The following TEAD1 variants were observed in gnomAD, a reference collection of about 807,000 sequenced individuals.
TEAD1 encodes the protein transcriptional enhancer factor TEF-1.
TEAD1 carries 9 observed loss-of-function variants against 54.9 expected under a neutral mutation model. That is an observed-to-expected ratio of 0.16 (90% CI 0.10 to 0.29). The LOEUF is 0.29. TEAD1 is among the 10% of genes least tolerant of loss of function. The pLI is 1.00. For synonymous variants in TEAD1, 200 were observed against 187.8 expected (o/e 1.07, Z -0.53); for missense variants, 387 against 535.9 (o/e 0.72, Z 2.74).
intron 3 of TEAD1, among the ~76,000 whole-genome samples, chr11:12,852,511 G>A (rs772928731): frequency 4.7e-5 from 7 of 150,190 alleles, no homozygotes; most frequent in Non-Finnish European, 1.0e-4. Flanking sequence ...GCAGCGGCGC[G>A]ATCTTGGCTC....
intron 7 of TEAD1, among the ~76,000 whole-genome samples, chr11:12,881,433 A>G (rs1379550809): frequency 6.6e-6 from 1 of 152,122 alleles, no homozygotes; most frequent in Non-Finnish European, 1.5e-5. Flanking sequence ...CTAGTAGACA[A>G]ATCCTACTGA....
At chr11:12,749,183 A>T (rs1944813055) in intron 2 of TEAD1, among the ~76,000 whole-genome samples, 1 of 152,090 alleles carries the variant, frequency 6.6e-6, no homozygotes, top group African/African-American at 2.4e-5. Flanking sequence ...TTCTGAAGTC[A>T]CATCCCCTAC....
intron 9 of TEAD1, among the ~76,000 whole-genome samples, chr11:12,893,487 T>G (rs1440366314): frequency 6.6e-6 from 1 of 152,194 alleles, no homozygotes; most frequent in Non-Finnish European, 1.5e-5. Flanking sequence ...AGGAGGCCAC[T>G]GAAAGCGTCT....
intron 3 of TEAD1, among the ~76,000 whole-genome samples, chr11:12,780,146 T>TA (rs1945512933): frequency 1.3e-5 from 2 of 151,822 alleles, no homozygotes; most frequent in Non-Finnish European, 2.9e-5. Flanking sequence ...TGTATGTAGC[T>TA]AAAAAAGTAA....
chr11:12,837,679 T>TCTTTCTCCTTTCTC (rs60498081), intron 3 of TEAD1, among the ~76,000 whole-genome samples: 14 of 147,842 alleles, frequency 9.5e-5, no homozygotes, highest in Non-Finnish European at 1.8e-4. Context: ...CCTTCTTCCT[T>TCTTTCTCCTTTCTC]CTTTCTCCCT....
intron 2 of TEAD1, among the ~76,000 whole-genome samples, chr11:12,711,134 C>G (rs1943927989): frequency 1.3e-5 from 2 of 152,098 alleles, no homozygotes; most frequent in South Asian, 4.1e-4. Context: ...AGGAAGTTCC[C>G]TCTGACTCTG....
intron 10 of TEAD1, among the ~76,000 whole-genome samples, chr11:12,907,078 C>G (rs552678285): frequency 2.6e-5 from 4 of 152,288 alleles, no homozygotes; most frequent in Admixed American, 2.6e-4. Flanking sequence ...TACTGCTAAA[C>G]TTCTTTTTTA....
chr11:12,792,546 C>T lies in TEAD1; in HGVS notation c.202+28112C>T, dbSNP rs570091781. On this transcript the variant is annotated intron_variant, in intron 3 of 12. Coordinates refer to ENST00000527636, the MANE Select transcript of TEAD1 (RefSeq NM_021961.6). ...TGAAATTGTTCTCAGGACTCTGCTG[C>T]ATTGTCCTACTAGTAGAAGTCCTGG... Among the ~76,000 whole-genome samples the T allele has an allele frequency of 5.9e-5, 9 of 152,282 alleles. 2 individuals carry two copies. The highest frequency in any genetic ancestry group is 2.2e-4 in the African/African-American group (9 of 41,570).
intron 3 of TEAD1, among the ~76,000 whole-genome samples, chr11:12,857,709 GA>G (rs1424660404): frequency 1.3e-5 from 2 of 151,870 alleles, no homozygotes; most frequent in African/African-American, 4.8e-5. Flanking sequence ...TGGCCCTTAG[GA>G]AATGCTGCGT....
At chr11:12,867,757 T>G (rs564669285) in intron 5 of TEAD1, among the ~76,000 whole-genome samples, 1 of 152,246 alleles carries the variant, frequency 6.6e-6, no homozygotes, top group East Asian at 1.9e-4. Context: ...CCTCCCACAC[T>G]AGCTAGTGAG....
At chr11:12,700,438 C>T (rs899829138) in intron 2 of TEAD1, among the ~76,000 whole-genome samples, 8 of 152,260 alleles carry the variant, frequency 5.3e-5, no homozygotes, top group African/African-American at 1.9e-4. Context: ...TCACCAGGTA[C>T]TCAAGGTTTA....
intron 3 of TEAD1, among the ~76,000 whole-genome samples, chr11:12,839,782 C>T (rs1045136503): frequency 5.3e-5 from 8 of 152,108 alleles, no homozygotes; most frequent in African/African-American, 1.9e-4. Flanking sequence ...CAGGCAGCAA[C>T]AAGAGTTGGC....
At position 12,892,020 on chromosome 11, in the gene TEAD1, G is replaced by T. The variant is rs561809233; in HGVS notation, c.699+8895G>T. ...TCTTCATAGTCAGAGGGAGCCCAAGGTCTCCCCTCTGGGGGACTGGCAGGC... is the reference window on the plus strand; with the variant it reads ...TCTTCATAGTCAGAGGGAGCCCAAGTTCTCCCCTCTGGGGGACTGGCAGGC... On this transcript the variant is annotated intron_variant, in intron 9 of 12. Transcript: ENST00000527636. 2.0e-5 allele frequency among the ~76,000 whole-genome samples: 3 copies of T among 152,344 alleles called. No individual in the cohort carries two copies. In the South Asian group the frequency reaches 6.2e-4, roughly 32 times the overall value.
At chr11:12,833,265 A>C (rs1946818152) in intron 3 of TEAD1, among the ~76,000 whole-genome samples, 1 of 152,222 alleles carries the variant, frequency 6.6e-6, no homozygotes, top group Admixed American at 6.5e-5. Flanking sequence ...TCAAGACTTT[A>C]TCAATGAGTT....
intron 3 of TEAD1, among the ~76,000 whole-genome samples, chr11:12,840,263 G>GACCAAA (rs1947003654): frequency 2.3e-5 from 1 of 43,544 alleles, no homozygotes; most frequent in African/African-American, 9.5e-5. Context: ...AAAAAAAAAA[G>GACCAAA]AAAAAAAAAA....
chr11:12,675,705 A>C (rs1230889671), intron 2 of TEAD1, 144 bp downstream of exon 2: 1 of 152,180 alleles, frequency 6.6e-6, no homozygotes, highest in Non-Finnish European at 1.5e-5. Context: ...AGAAAGTTTA[A>C]CTTCTGTGAC....
chr11:12,864,897 A>G lies in TEAD1; in HGVS notation c.327A>G (p.Leu109=), dbSNP rs754534289. ...AATCTCGTGATTTTCATTCCAAGCT[A>G]AAGGTATGCGCTTTTCTGCTTTTTG... Residue 109 remains leucine (L), a synonymous_variant, in exon 5 of 13, where the codon CTA becomes CTG. Transcript: ENST00000527636. 1.9e-6 allele frequency: 3 copies of G among 1,614,026 alleles called. No homozygotes were observed. The highest frequency in any genetic ancestry group is 2.7e-5 in the African/African-American group (2 of 74,902).
At chr11:12,865,019 A>G in intron 5 of TEAD1, 119 bp downstream of exon 5, 2 of 1,106,752 alleles carry the variant, frequency 1.8e-6, no homozygotes, top group Non-Finnish European at 2.8e-6. Context: ...TGCATGTGAG[A>G]GCTGTTTACA....
intron 2 of TEAD1, among the ~76,000 whole-genome samples, chr11:12,683,384 G>A (rs1943266025): frequency 6.6e-6 from 1 of 152,172 alleles, no homozygotes; most frequent in Non-Finnish European, 1.5e-5. Context: ...TGCCTTGAGG[G>A]TTGCTTTGAG....
Sources: gnomAD v4.1 joint callset for allele counts (sites outside exome capture counted in the v4.1 genomes callset) on GRCh38, gnomAD v4.1.1 for gene constraint, MANE v1.5 for transcripts, NCBI Gene and HGNC (gene_info 2026-07-23, HGNC 2026-07-21) for gene names.